The following MKLN1 variants were observed in gnomAD, a reference collection of about 807,000 sequenced individuals.
The protein encoded by MKLN1 is muskelin.
MKLN1 carries 18 observed loss-of-function variants against 99.0 expected under a neutral mutation model. That is an observed-to-expected ratio of 0.18 (90% CI 0.13 to 0.27). The LOEUF (loss-of-function observed/expected upper bound fraction) is 0.27. MKLN1 is among the 10% of genes least tolerant of loss of function. The pLI, the probability that MKLN1 is intolerant of heterozygous loss-of-function variation, is 1.00. For synonymous variants in MKLN1, 288 were observed against 293.2 expected (o/e 0.98, Z 0.18); for missense variants, 621 against 875.9 (o/e 0.71, Z 3.67).
intron 16 of MKLN1, 35 bp downstream of exon 16, chr7:131,470,979 G>T: frequency 1.4e-6 from 2 of 1,443,080 alleles, no homozygotes; most frequent in Non-Finnish European, 1.9e-6. Context: ...CAGAAATTAA[G>T]TATTTTTAAA....
intron 16 of MKLN1, among the ~76,000 whole-genome samples, chr7:131,472,853 A>G (rs1168518480): frequency 6.7e-6 from 1 of 149,406 alleles, no homozygotes; most frequent in African/African-American, 2.5e-5. Flanking sequence ...GGGGAGGCTG[A>G]GGTAGAATTG....
chr7:131,359,243 A>T (rs1799960549), intron 1 of MKLN1, among the ~76,000 whole-genome samples: 1 of 152,094 alleles, frequency 6.6e-6, no homozygotes, highest in African/African-American at 2.4e-5. Flanking sequence ...ATATTTTTAA[A>T]TTTATCTGGA....
At chr7:131,218,470 CT>C (rs1797016246) in intron 3 of MKLN1, among the ~76,000 whole-genome samples, 1 of 152,132 alleles carries the variant, frequency 6.6e-6, no homozygotes, top group African/African-American at 2.4e-5. Context: ...GTATCATCGT[CT>C]TTGTTTTGAA....
At chr7:131,121,679 T>A (rs1416851556) in intron 1 of MKLN1, among the ~76,000 whole-genome samples, 4 of 135,860 alleles carry the variant, frequency 2.9e-5, no homozygotes, top group Non-Finnish European at 4.8e-5. Context: ...TTACCCAGCC[T>A]CAGATATGTC....
chr7:131,400,537 A>ATATATATATG (rs1255519588), intron 6 of MKLN1, among the ~76,000 whole-genome samples: 1 of 148,716 alleles, frequency 6.7e-6, no homozygotes, highest in Non-Finnish European at 1.5e-5. Context: ...ATATATATAT[A>ATATATATATG]TATGCCATTT....
chr7:131,300,467 G>GGCT (rs1798359843), intron 3 of MKLN1, among the ~76,000 whole-genome samples: 1 of 151,400 alleles, frequency 6.6e-6, no homozygotes, highest in Non-Finnish European at 1.5e-5. Flanking sequence ...GATCACTTGA[G>GGCT]GCCAGGAGTT....
intron 16 of MKLN1, 40 bp downstream of exon 16, chr7:131,470,984 T>C (rs755094357): frequency 2.8e-5 from 38 of 1,364,238 alleles, no homozygotes; most frequent in Non-Finnish European, 3.9e-5. Flanking sequence ...ATTAAGTATT[T>C]TTAAATGTCT....
intron 8 of MKLN1, among the ~76,000 whole-genome samples, chr7:131,419,326 C>T (rs1046219252): frequency 6.1e-5 from 9 of 148,354 alleles, no homozygotes; most frequent in Non-Finnish European, 1.3e-4. Flanking sequence ...TCTCGGCTCA[C>T]TGCAACCTCT....
At chr7:131,326,175 C>G (rs1798885218), upstream of MKLN1, among the ~76,000 whole-genome samples, 1 of 152,088 alleles carries the variant, frequency 6.6e-6, no homozygotes, top group Admixed American at 6.6e-5. Context: ...TGTCTATTTT[C>G]TTCAAAGATA....
chr7:131,432,722 A>G (rs777448868), intron 9 of MKLN1, among the ~76,000 whole-genome samples: 9 of 152,210 alleles, frequency 5.9e-5, no homozygotes, highest in Non-Finnish European at 1.3e-4. Context: ...CTGGGATTGC[A>G]GGCATGAGCC....
chr7:131,310,957 A>G (rs1337137524), intron 3 of MKLN1, among the ~76,000 whole-genome samples: 1 of 136,718 alleles, frequency 7.3e-6, no homozygotes, highest in Non-Finnish European at 1.7e-5. Flanking sequence ...TAGCTCAAGG[A>G]AAAAAAGTTT....
intron 8 of MKLN1, among the ~76,000 whole-genome samples, chr7:131,419,002 C>A (rs1795109671): frequency 6.6e-6 from 1 of 152,068 alleles, no homozygotes; most frequent in Non-Finnish European, 1.5e-5. Context: ...TCAGAAAATA[C>A]TATTCAGAAG....
At chr7:131,174,990 G>C (rs1484131677) in intron 2 of MKLN1, among the ~76,000 whole-genome samples, 1 of 151,520 alleles carries the variant, frequency 6.6e-6, no homozygotes, top group Non-Finnish European at 1.5e-5. Flanking sequence ...TAGATAGATA[G>C]ATAGATAGAT....
At chr7:131,150,031 A>G (rs1403344819) in intron 2 of MKLN1, among the ~76,000 whole-genome samples, 2 of 152,166 alleles carry the variant, frequency 1.3e-5, no homozygotes, top group Non-Finnish European at 1.5e-5. Context: ...GAGAGAGAGC[A>G]TGCTCCACCT....
chr7:131,283,072 G>A (rs1286573601), intron 3 of MKLN1, among the ~76,000 whole-genome samples: 4 of 152,128 alleles, frequency 2.6e-5, no homozygotes. Flanking sequence ...ATCTCAATCT[G>A]CATACGTTAC....
chr7:131,433,495 C>G (rs1469893692), intron 9 of MKLN1, among the ~76,000 whole-genome samples: 1 of 152,158 alleles, frequency 6.6e-6, no homozygotes, highest in South Asian at 2.1e-4. Flanking sequence ...ACTCATCAAA[C>G]TCTCACCCTT....
chr7:131,139,623 T>A (rs1267883219), intron 1 of MKLN1, among the ~76,000 whole-genome samples: 2 of 152,082 alleles, frequency 1.3e-5, no homozygotes, highest in African/African-American at 4.8e-5. Context: ...TGACAAGAAG[T>A]GAGAGATAGT....
chr7:131,211,090 A>G (rs1796901152), intron 3 of MKLN1, among the ~76,000 whole-genome samples: 1 of 152,044 alleles, frequency 6.6e-6, no homozygotes, highest in South Asian at 2.1e-4. Context: ...CTCCTGATAT[A>G]TAACAAATAA....
chr7:131,185,556 C>T (rs779360361), intron 2 of MKLN1, among the ~76,000 whole-genome samples: 5 of 151,438 alleles, frequency 3.3e-5, no homozygotes, highest in South Asian at 2.1e-4. Context: ...CCAGCCTGGG[C>T]GACAGAGCAA....
Sources: gnomAD v4.1 joint callset for allele counts (sites outside exome capture counted in the v4.1 genomes callset) on GRCh38, gnomAD v4.1.1 for gene constraint, MANE v1.5 for transcripts, NCBI Gene and HGNC (gene_info 2026-07-23, HGNC 2026-07-21) for gene names.